Variants in CADM2 observed in about 807,000 individuals in gnomAD.
CADM2 encodes the protein immunoglobulin superfamily member 4D.
CADM2 carries 12 observed loss-of-function variants against 49.8 expected under a neutral mutation model. The ratio of observed to expected loss-of-function variants is 0.24; its 90% CI spans 0.15 to 0.39. CADM2 has a LOEUF of 0.39. Among genes scored for constraint, CADM2 ranks in the 10% least tolerant of loss-of-function variants. The pLI, the probability that CADM2 is intolerant of heterozygous loss-of-function variation, is 1.00. For missense variants in CADM2, 378 were observed against 492.3 expected, an observed-to-expected ratio of 0.77 and a Z score of 2.20; for synonymous variants, 214 against 175.4, an observed-to-expected ratio of 1.22 and a Z score of -1.74.
chr3:85,179,526 C>A (rs139306851), intron 1 of CADM2, among the ~76,000 whole-genome samples: 197 of 151,726 alleles, frequency 1.3e-3, no homozygotes, highest in African/African-American at 4.2e-3. Context: ...AAGATCAGTA[C>A]AAAAATTACA....
At chr3:85,881,391 T>C (rs1382893574) in intron 3 of CADM2, among the ~76,000 whole-genome samples, 1 of 152,154 alleles carries the variant, frequency 6.6e-6, no homozygotes, top group Non-Finnish European at 1.5e-5. Flanking sequence ...AGTATAGGCA[T>C]CTTTTATTTT....
chr3:85,769,593 T>TATAC lies in CADM2; in HGVS notation c.89-32452_89-32449dup, dbSNP rs1189935282. Among the ~76,000 whole-genome samples the TATAC allele has an allele frequency of 2.3e-4, 23 of 98,726 alleles. 2 individuals carry two copies. The highest frequency in any genetic ancestry group is 1.3e-4 in the Admixed American group (1 of 7,796). The allele number at this position is 98,726 out of a possible 152,430, so 64.8% of individuals were successfully genotyped here. On this transcript the variant is annotated intron_variant, in intron 2 of 9. Transcript: ENST00000383699. ...TATATACATATATACATATATAGTA[T>TATAC]ATACACATATATACATATATACATA...
intron 1 of CADM2, among the ~76,000 whole-genome samples, chr3:85,523,650 A>C (rs2061083179): frequency 6.6e-6 from 1 of 152,046 alleles, no homozygotes; most frequent in Admixed American, 6.6e-5. Context: ...ATAACTTATC[A>C]ATAGTAGTGA....
At chr3:85,579,787 C>G (rs1377778946) in intron 1 of CADM2, among the ~76,000 whole-genome samples, 1 of 151,884 alleles carries the variant, frequency 6.6e-6, no homozygotes, top group Non-Finnish European at 1.5e-5. Flanking sequence ...ATATAGATAT[C>G]TAATTTACAT....
At chr3:85,014,803 A>C (rs374432681) in intron 1 of CADM2, among the ~76,000 whole-genome samples, 46 of 152,244 alleles carry the variant, frequency 3.0e-4, no homozygotes, top group African/African-American at 1.1e-3. Context: ...AGGAAATTAC[A>C]TACCATCAAT....
chr3:86,018,697 G>A (rs563648953), intron 8 of CADM2, among the ~76,000 whole-genome samples: 18 of 152,170 alleles, frequency 1.2e-4, no homozygotes, highest in East Asian at 5.8e-4. Flanking sequence ...GTCTGTTCAT[G>A]TCCTTCGCCC....
At chr3:85,861,525 T>C (rs2075534041) in intron 3 of CADM2, among the ~76,000 whole-genome samples, 1 of 152,178 alleles carries the variant, frequency 6.6e-6, no homozygotes, top group African/African-American at 2.4e-5. Flanking sequence ...ATGACTGTTA[T>C]GCATGCAACT....
intron 1 of CADM2, among the ~76,000 whole-genome samples, chr3:84,966,850 T>G (rs1466688636): frequency 6.6e-6 from 1 of 152,048 alleles, no homozygotes; most frequent in Non-Finnish European, 1.5e-5. Flanking sequence ...CCCTGTCTAG[T>G]CATAGTTAAG....
intron 1 of CADM2, among the ~76,000 whole-genome samples, chr3:85,705,057 G>A (rs1414352987): frequency 2.0e-5 from 3 of 147,796 alleles, no homozygotes; most frequent in South Asian, 4.3e-4. Context: ...AAATAGAGAC[G>A]GGGTTTTGCC....
At chr3:85,468,241 GT>G (rs1418142581) in intron 1 of CADM2, among the ~76,000 whole-genome samples, 2 of 145,960 alleles carry the variant, frequency 1.4e-5, no homozygotes, top group Admixed American at 1.4e-4. Context: ...TTGTTTGCAT[GT>G]TCTCCCTGTG....
intron 1 of CADM2, among the ~76,000 whole-genome samples, chr3:84,981,180 A>C (rs902959168): frequency 1.6e-5 from 2 of 125,256 alleles, no homozygotes; most frequent in East Asian, 2.5e-4. Flanking sequence ...TCCTGTGTCC[A>C]TGTGATCTCA....
chr3:85,783,353 T>A lies in CADM2; in HGVS notation c.89-18694T>A, dbSNP rs374086926. Among the ~76,000 whole-genome samples, 6 of 152,352 alleles carry A rather than the reference T, an allele frequency of 3.9e-5. No individual in the cohort carries two copies. The East Asian group carries it at 1.2e-3, about 29-fold the overall frequency. Reference sequence around the variant, plus strand: ...GATGAGCACTATTTACAGATAAGTGTATGCCTTACTTCTCACCAACACTTC... The same window carrying A: ...GATGAGCACTATTTACAGATAAGTGAATGCCTTACTTCTCACCAACACTTC... On this transcript the variant is annotated intron_variant, in intron 2 of 9. Coordinates refer to ENST00000383699, the MANE Select transcript of CADM2 (RefSeq NM_001167675.2).
chr3:85,074,812 C>A (rs2036880183), intron 1 of CADM2, among the ~76,000 whole-genome samples: 1 of 151,864 alleles, frequency 6.6e-6, no homozygotes, highest in Admixed American at 6.6e-5. Context: ...TCAGTAATAA[C>A]CTCACATTTC....
At chr3:85,416,239 T>A (rs2107484380) in intron 1 of CADM2, among the ~76,000 whole-genome samples, 1 of 152,204 alleles carries the variant, frequency 6.6e-6, no homozygotes, top group South Asian at 2.1e-4. Flanking sequence ...GGTAGTCTAT[T>A]TACAGTAAGG....
chr3:85,824,421 C>G (rs914642561), intron 3 of CADM2, among the ~76,000 whole-genome samples: 1 of 141,142 alleles, frequency 7.1e-6, no homozygotes, highest in African/African-American at 2.6e-5. Context: ...TAAGAAAAAA[C>G]AAAAAAACTC....
intron 8 of CADM2, among the ~76,000 whole-genome samples, chr3:85,962,299 T>A (rs1488490485): frequency 2.6e-5 from 4 of 152,028 alleles, no homozygotes; most frequent in Admixed American, 2.0e-4. Context: ...AAGCTAATTT[T>A]TATTGTATTA....
intron 1 of CADM2, among the ~76,000 whole-genome samples, chr3:85,660,979 A>C (rs2065385052): frequency 6.6e-6 from 1 of 151,994 alleles, no homozygotes; most frequent in African/African-American, 2.4e-5. Context: ...CTGAGCAAAG[A>C]CCACTTTCAG....
In CADM2 at chr3:85,483,515, A is replaced by G. The variant is rs891892746; in HGVS notation, c.62-243007A>G. Among the ~76,000 whole-genome samples, 7 of 150,912 alleles carry G rather than the reference A, an allele frequency of 4.6e-5. No individual in the cohort carries two copies. In the Admixed American group the frequency reaches 4.6e-4, roughly 10 times the overall value. ...GAATTGACTTAATTATATTTAACTG[A>G]TGTACTATTTTTTGGTGCTTCAGGT... On this transcript the variant is annotated intron_variant, in intron 1 of 9. Coordinates refer to ENST00000383699, the MANE Select transcript of CADM2 (RefSeq NM_001167675.2).
chr3:85,077,749 T>C (rs1004958446), intron 1 of CADM2, among the ~76,000 whole-genome samples: 1 of 152,070 alleles, frequency 6.6e-6, no homozygotes, highest in African/African-American at 2.4e-5. Flanking sequence ...GACATAAAAC[T>C]GTATAAAGAA....
Sources: gnomAD v4.1 joint callset for allele counts (sites outside exome capture counted in the v4.1 genomes callset) on GRCh38, gnomAD v4.1.1 for gene constraint, MANE v1.5 for transcripts, NCBI Gene and HGNC (gene_info 2026-07-23, HGNC 2026-07-21) for gene names.